UTRN: variants seen among roughly 807,000 people sequenced by gnomAD.
UTRN encodes utrophin.
In UTRN, 283 loss-of-function variants were observed where a neutral mutation model predicts 463.9. The ratio of observed to expected loss-of-function variants is 0.61; its 90% CI spans 0.55 to 0.67. UTRN has a LOEUF of 0.67. Ranked by LOEUF, UTRN falls within the 30% of genes least tolerant of loss-of-function variation. UTRN has a pLI of 0.00. For synonymous variants in UTRN, 1,442 were observed against 1,431.5 expected (o/e 1.01, Z -0.17); for missense variants, 3,922 against 4,084.3 (o/e 0.96, Z 1.08).
At chr6:144,343,322 G>A (rs1234306238) in intron 2 of UTRN, among the ~76,000 whole-genome samples, 5 of 151,334 alleles carry the variant, frequency 3.3e-5, no homozygotes, top group Admixed American at 6.6e-5. Context: ...GCAGGAGTTC[G>A]AGACCAGCCT....
At chr6:144,618,744 AGTTTG>A (rs1353344920) in intron 51 of UTRN, among the ~76,000 whole-genome samples, 19 of 152,088 alleles carry the variant, frequency 1.2e-4, no homozygotes, top group Non-Finnish European at 2.4e-4. Context: ...TATTGTTTAA[AGTTTG>A]GAAATTAAAA....
At chr6:144,570,115 A>G (rs747364634) in intron 50 of UTRN, among the ~76,000 whole-genome samples, 1 of 152,150 alleles carries the variant, frequency 6.6e-6, no homozygotes, top group South Asian at 2.1e-4. Flanking sequence ...ACCAATAGCC[A>G]TGGTAGGGGA....
In UTRN at chr6:144,556,902, T is replaced by C. The variant is rs1218433010; in HGVS notation, c.7135-255T>C. 7.9e-5 allele frequency among the ~76,000 whole-genome samples: 12 copies of C among 152,184 alleles called. No homozygotes were observed. In the East Asian group the frequency reaches 2.3e-3, roughly 29 times the overall value. On this transcript the variant is annotated intron_variant, in intron 49 of 74. Coordinates refer to ENST00000367545, the MANE Select transcript of UTRN (RefSeq NM_007124.3). The stretch of plus-strand genomic sequence containing the variant: ...ACAAATGGTTTGAGGAAGGAAAATA[T>C]CTCAAAAAGAAAATGATAATAATCT...
rs1272819194 is a variant in UTRN, at chr6:144,548,817, A to T, written c.6773A>T (p.Asp2258Val). Residue 2258 changes from aspartate to valine, a missense_variant, in exon 47 of 75, where the codon GAT becomes GTT. This residue lies in a region of UTRN where 1,309 missense variants were observed against 1,452.6 expected (regional missense o/e 0.90). Transcript: ENST00000367545. ...MLKSNIVTVG[D>V]VEEINKTVSR... ...AAGTCCAACATTGTCACTGTTGGGG[A>T]TGTAGAAGAGATCAATAAGACCGTT... 1 of 1,613,990 alleles carries T rather than the reference A, an allele frequency of 6.2e-7. No individual in the cohort carries two copies. Among genetic ancestry groups the T allele is most frequent in the South Asian group, 1.1e-5 (1 of 91,076 alleles).
rs1363645433 is a variant in UTRN, at chr6:144,285,342, C to G, written c.-572C>G. On this transcript the variant is annotated 5_prime_UTR_variant, in exon 1 of 75. Coordinates refer to ENST00000367545, the MANE Select transcript of UTRN (RefSeq NM_007124.3). Reference sequence around the variant, plus strand: ...GCACAAAGTTGTGGAGTCGTTTTTCCTCGGAGCAGGGAAGCGGGCAGCAGC... The same window carrying G: ...GCACAAAGTTGTGGAGTCGTTTTTCGTCGGAGCAGGGAAGCGGGCAGCAGC... Among the ~76,000 whole-genome samples the G allele has an allele frequency of 6.6e-6, 1 of 152,104 alleles. No individual in the cohort carries two copies. The highest frequency in any genetic ancestry group is 2.4e-5 in the African/African-American group (1 of 41,446).
intron 51 of UTRN, among the ~76,000 whole-genome samples, chr6:144,672,589 A>C (rs1020843221): frequency 7.9e-5 from 12 of 151,926 alleles, no homozygotes; most frequent in African/African-American, 2.2e-4. Context: ...ATGGTCTATC[A>C]GTTTTATTTA....
intron 61 of UTRN, among the ~76,000 whole-genome samples, chr6:144,784,220 A>G (rs1356984806): frequency 1.3e-5 from 2 of 152,204 alleles, no homozygotes; most frequent in African/African-American, 4.8e-5. Flanking sequence ...GTTGCCTTAT[A>G]TTGTCCATGG....
At position 144,754,817 on chromosome 6, in the gene UTRN, G is replaced by T; in HGVS notation, c.8434+19G>T. ...CTCTCTAGTAAGTACTAATAAACTG[G>T]ACTGATCGCATTAATTGAATGAATT... On this transcript the variant is annotated intron_variant, in intron 57 of 74. Coordinates refer to ENST00000367545, the MANE Select transcript of UTRN (RefSeq NM_007124.3). 6.2e-7 allele frequency: 1 copy of T among 1,605,026 alleles called. No homozygotes were observed. The highest frequency in any genetic ancestry group is 1.1e-5 in the South Asian group (1 of 89,926).
At position 144,582,875 on chromosome 6, in the gene UTRN, A is replaced by G. The variant is rs144730611; in HGVS notation, c.7479+5587A>G. Among the ~76,000 whole-genome samples, 606 of 152,154 alleles carry G rather than the reference A, an allele frequency of 4.0e-3. 5 individuals carry two copies. Among genetic ancestry groups the G allele is most frequent in the African/African-American group, 0.013 (520 of 41,510 alleles). ...ATCTGTCTGGGGGTGATTTTTTAGC[A>G]CTTAATGTATGGGCTGTTGTCATCA... On this transcript the variant is annotated intron_variant, in intron 51 of 74. Coordinates refer to ENST00000367545, the MANE Select transcript of UTRN (RefSeq NM_007124.3).
rs781101420 is a variant in UTRN at position 144,488,706 on chromosome 6, C to T, written c.4006C>T (p.Leu1336Phe). ...CAAGCAGATTTCTTTGGAAAAGCAA[C>T]TCCAGGTGCTGCGGGAAACTGACCA... Reference protein sequence around the residue: ...ESKQISLEKQLQVLRETDQML... With the variant: ...ESKQISLEKQFQVLRETDQML... The change falls in exon 30 of 75, where the codon CTC becomes TTC. Residue 1336 changes from leucine to phenylalanine, a missense_variant. Leu to Phe is a conservative substitution (Grantham distance 22). Coordinates refer to ENST00000367545, the MANE Select transcript of UTRN (RefSeq NM_007124.3). 1.9e-6 allele frequency: 3 copies of T among 1,613,192 alleles called. No individual in the cohort carries two copies. In the Admixed American group the frequency reaches 5.0e-5, roughly 27 times the overall value.
chr6:144,537,936 A>T (rs538258368), intron 44 of UTRN, among the ~76,000 whole-genome samples: 14 of 152,222 alleles, frequency 9.2e-5, no homozygotes. Flanking sequence ...ACAAACTATT[A>T]TGGTGTCAGT....
chr6:144,564,863 A>G (rs1195535651), intron 50 of UTRN, among the ~76,000 whole-genome samples: 4 of 152,206 alleles, frequency 2.6e-5, no homozygotes, highest in South Asian at 2.1e-4. Flanking sequence ...ATCATATCAC[A>G]TGGGAAGGAG....
chr6:144,678,198 C>T (rs372359424), intron 51 of UTRN, among the ~76,000 whole-genome samples: 24 of 152,096 alleles, frequency 1.6e-4, no homozygotes, highest in East Asian at 9.7e-4. Flanking sequence ...CCTGTATAGC[C>T]AAGACAATCC....
rs1791532725 is a variant in UTRN, at chr6:144,478,891, TA to T, written c.3337-919del. Among the ~76,000 whole-genome samples, 7 of 152,308 alleles carry T rather than the reference TA, an allele frequency of 4.6e-5. No individual in the cohort carries two copies. In the South Asian group the frequency reaches 1.4e-3, roughly 32 times the overall value. On this transcript the variant is annotated intron_variant, in intron 25 of 74. Coordinates refer to ENST00000367545, the MANE Select transcript of UTRN (RefSeq NM_007124.3). ...TCTAGACTTCTCCAAAATTTTTAACTAAGTTACTGAATCAGAATCAGACAAC... is the reference window on the plus strand; with the variant it reads ...TCTAGACTTCTCCAAAATTTTTAACTAGTTACTGAATCAGAATCAGACAAC...
intron 2 of UTRN, chr6:144,331,002 C>T (rs1776295800): frequency 1.0e-6 from 1 of 985,224 alleles, no homozygotes; most frequent in Non-Finnish European, 1.2e-6. Context: ...ACGGAGACGG[C>T]AGACAGTCAC....
intron 50 of UTRN, among the ~76,000 whole-genome samples, chr6:144,573,606 G>T (rs775291757): frequency 6.6e-6 from 1 of 152,056 alleles, no homozygotes; most frequent in Non-Finnish European, 1.5e-5. Context: ...TGAGGCAGGA[G>T]AATTACTTGA....
intron 50 of UTRN, among the ~76,000 whole-genome samples, chr6:144,563,206 T>C (rs1562579063): frequency 2.0e-5 from 3 of 152,210 alleles, no homozygotes; most frequent in Admixed American, 6.5e-5. Flanking sequence ...TAAAGACTGA[T>C]TTTGTAACTA....
intron 52 of UTRN, among the ~76,000 whole-genome samples, chr6:144,696,340 C>T (rs550252226): frequency 5.1e-4 from 77 of 152,234 alleles, no homozygotes; most frequent in South Asian, 4.1e-3. Context: ...TTGCTGCTAG[C>T]CATATGTGGC....
At position 144,473,824 on chromosome 6, in the gene UTRN, C is replaced by T. The variant is rs199787315; in HGVS notation, c.3171C>T (p.Asp1057=). ...ACGCAGGTCTACAGAGGCAGTTAGA[C>T]CAGTGCTCTGTGAGTTCTGCTGATC... ...GDDAGLQRQL[D]QCSAFVNEIE... The change falls in exon 24 of 75, where the codon GAC becomes GAT. Residue 1057 remains aspartate, a synonymous_variant. Coordinates refer to ENST00000367545, the MANE Select transcript of UTRN (RefSeq NM_007124.3). 2 of 1,612,418 alleles carry T rather than the reference C, an allele frequency of 1.2e-6. No homozygotes were observed. Among genetic ancestry groups the T allele is most frequent in the East Asian group, 2.2e-5 (1 of 44,844 alleles).
Sources: allele counts gnomAD v4.1 joint callset (sites outside exome capture counted in the v4.1 genomes callset), GRCh38; gene constraint gnomAD v4.1.1; regional missense constraint gnomAD v4.1.1; transcripts MANE v1.5; gene names NCBI Gene and HGNC (gene_info 2026-07-23, HGNC 2026-07-21).